Variants in VCX2 observed in about 807,000 individuals in gnomAD.
VCX2 encodes variable charge X-linked protein 2.
For synonymous variants in VCX2, 37 were observed against 53.9 expected, an observed-to-expected ratio of 0.69 and a Z score of 1.38; for missense variants, 83 against 116.6, an observed-to-expected ratio of 0.71 and a Z score of 1.33.
chrX:8,170,035 G>T lies in VCX2; in HGVS notation c.417C>A (p.Asp139Glu), dbSNP rs143514479. The change falls in exon 3 of 3, where the codon GAC becomes GAA. Residue 139 changes from aspartate (D) to glutamate (E), a missense_variant. Coordinates refer to ENST00000317103, the MANE Select transcript of VCX2 (RefSeq NM_016378.3). The stretch of plus-strand genomic sequence containing the variant: ...GGTCTGGCGGCTGGGCCTGAACTTA[G>T]TCGGTGCTCTCGGAGACAGGGGAAA... ...ASFSPVSEST[D>E] The T allele has an allele frequency of 6.7e-6, 8 of 1,200,379 alleles. 1 individual carries two copies. In the Admixed American group the frequency reaches 1.8e-4, roughly 27 times the overall value.
Position 8,170,015 on chromosome X carries a change from G to A in VCX2, c.*17C>T, listed in dbSNP as rs376798228. 23 of 1,184,554 alleles carry A rather than the reference G, an allele frequency of 1.9e-5. No individual in the cohort carries two copies. In the African/African-American group the frequency reaches 4.2e-4, roughly 22 times the overall value. On this transcript the variant is annotated 3_prime_UTR_variant, in exon 3 of 3. Coordinates refer to ENST00000317103, the MANE Select transcript of VCX2 (RefSeq NM_016378.3). ...CCCGCTGGTGAGATCTCTGAGGTCT[G>A]GCGGCTGGGCCTGAACTTAGTCGGT...
intron 1 of VCX2, among the ~76,000 whole-genome samples, 157 bp from the exon 2 acceptor site, chrX:8,170,946 A>C (rs1203733874): frequency 8.1e-5 from 7 of 86,943 alleles, no homozygotes; most frequent in African/African-American, 2.7e-4. Flanking sequence ...GATAGTTCCC[A>C]AACTGACATG....
In VCX2 at chrX:8,170,228, C is replaced by A. The variant is rs1175323162; in HGVS notation, c.224G>T (p.Gly75Val). 8.9e-7 allele frequency: 1 copy of A among 1,123,153 alleles called. No individual in the cohort carries two copies. Among genetic ancestry groups the A allele is most frequent in the Non-Finnish European group, 1.2e-6 (1 of 853,580 alleles). The allele number at this position is 1,123,153 out of a possible 1,213,427, so 92.6% of individuals were successfully genotyped here. A position where few individuals can be genotyped will look rare whatever the true frequency, so the allele number is the denominator to read the frequency against. Residue 75 changes from glycine to valine, a missense_variant, in exon 3 of 3, where the codon GGC (glycine) becomes GTC (valine). Transcript: ENST00000317103. ...CTCCTGGCTGGGCTGGTCGCTGGGG[C>A]CGGGTGCCGCTGGCGCGCTCTCCGC... ...PEAESAPAAP[G>V]PSDQPSQELP...
At position 8,170,052 on chromosome X, in the gene VCX2, CAG is replaced by C. The variant is rs1569170263; in HGVS notation, c.398_399del (p.Pro133ArgfsTer?). The C allele has an allele frequency of 8.3e-7, 1 of 1,204,067 alleles. No individual in the cohort carries two copies. ...TGAACTTAGTCGGTGCTCTCGGAGACAGGGGAAAAGCTGGCCATCCACACAGT... is the reference window on the plus strand; with the variant it reads ...TGAACTTAGTCGGTGCTCTCGGAGACGGGAAAAGCTGGCCATCCACACAGT... Reference protein sequence around the residue: ...PLTVWMASFSPVSESTD With the variant: ...PLTVWMASFSXVSESTD On this transcript the variant is annotated frameshift_variant, in exon 3 of 3. Transcript: ENST00000317103. LOFTEE classifies it high-confidence loss of function.
rs1291553327 is a variant in VCX2, at chrX:8,171,254, C to G, written c.-294G>C. The G allele has an allele frequency of 9.1e-6, 1 of 110,352 alleles. No individual in the cohort carries two copies. The highest frequency in any genetic ancestry group is 9.6e-5 in the Admixed American group (1 of 10,460). 9.1% of individuals were successfully genotyped at this position (110,352 alleles called of 1,213,427 possible). ...CAACTTTTCCATCTCACATACTTCT[C>G]CCAGCATCCACATAGTGCCTCACAA... On this transcript the variant is annotated 5_prime_UTR_variant, in exon 1 of 3. Transcript: ENST00000317103.
chrX:8,169,993 G>A lies in VCX2; in HGVS notation c.*39C>T, dbSNP rs376968575. On this transcript the variant is annotated 3_prime_UTR_variant, in exon 3 of 3. Transcript: ENST00000317103. Reference sequence around the variant, plus strand: ...TTATCTTCAGAATGGCAAGCACCCCGCTGGTGAGATCTCTGAGGTCTGGCG... The same window carrying A: ...TTATCTTCAGAATGGCAAGCACCCCACTGGTGAGATCTCTGAGGTCTGGCG... 37 of 1,153,895 alleles carry A rather than the reference G, an allele frequency of 3.2e-5. 1 individual carries two copies. Among genetic ancestry groups the A allele is most frequent in the African/African-American group, 1.1e-4 (5 of 46,669 alleles).
rs755012011 is a variant in VCX2 at position 8,170,193 on chromosome X, G to T, written c.259C>A (p.His87Asn). Residue 87 changes from histidine to asparagine, a missense_variant, in exon 3 of 3, where the codon CAC becomes AAC. By Grantham distance (68) the His-to-Asn change is moderately conservative. Transcript: ENST00000317103. ...ACTGGCTCCTCCGGCGGCAGCTCGT[G>T]CTGAGGGAGCTCCTGGCTGGGCTGG... Reference protein sequence around the residue: ...SDQPSQELPQHELPPEEPVSE... With the variant: ...SDQPSQELPQNELPPEEPVSE... The T allele has an allele frequency of 8.8e-7, 1 of 1,135,568 alleles. No homozygotes were observed. Among genetic ancestry groups the T allele is most frequent in the South Asian group, 1.8e-5 (1 of 54,419 alleles). 93.6% of individuals were successfully genotyped at this position (1,135,568 alleles called of 1,213,427 possible). A position where few individuals can be genotyped will look rare whatever the true frequency, so the allele number is the denominator to read the frequency against.
chrX:8,170,077 A>G lies in VCX2; in HGVS notation c.375T>C (p.Thr125=). The G allele has an allele frequency of 8.3e-7, 1 of 1,201,453 alleles. No homozygotes were observed. Among genetic ancestry groups the G allele is most frequent in the East Asian group, 3.0e-5 (1 of 33,390 alleles). ...CAGGGGAAAAGCTGGCCATCCACAC[A>G]GTCAGTGGTTCTTCCACCTCGCTCT... ...SQESEVEEPL[T]VWMASFSPVS... is the part of the protein sequence containing the mutation. The change falls in exon 3 of 3, where the codon ACT becomes ACC. Residue 125 remains threonine, a synonymous_variant. Coordinates refer to ENST00000317103, the MANE Select transcript of VCX2 (RefSeq NM_016378.3).
chrX:8,170,453 G>T, intron 2 of VCX2, 89 bp downstream of exon 2: 1 of 364,990 alleles, frequency 2.7e-6, no homozygotes, highest in Non-Finnish European at 4.0e-6. Context: ...GGGCCGGGTT[G>T]GGGGGTTCTG....
rs139229818 is a variant in VCX2 at position 8,170,163 on chromosome X, C to G, written c.289G>C (p.Glu97Gln). Residue 97 changes from glutamate to glutamine, a missense_variant, in exon 3 of 3, where the codon GAG (glutamate) becomes CAG (glutamine). Coordinates refer to ENST00000317103, the MANE Select transcript of VCX2 (RefSeq NM_016378.3). Reference protein sequence around the residue: ...HELPPEEPVSEGTQHDPLSQE... With the variant: ...HELPPEEPVSQGTQHDPLSQE... ...CTCAGGGGGTCGTGCTGGGTCCCCT[C>G]GCTCACTGGCTCCTCCGGCGGCAGC... is the stretch of plus-strand genomic sequence containing the variant. The G allele has an allele frequency of 2.5e-4, 285 of 1,136,262 alleles. 1 individual carries two copies. The African/African-American group carries it at 5.8e-3, about 23-fold the overall frequency. The allele number at this position is 1,136,262 out of a possible 1,213,427, so 93.6% of individuals were successfully genotyped here.
Position 8,169,993 on chromosome X carries a change from G to T in VCX2, c.*39C>A, listed in dbSNP as rs376968575. The T allele has an allele frequency of 8.6e-7, 1 of 1,161,888 alleles. No individual in the cohort carries two copies. Among genetic ancestry groups the T allele is most frequent in the East Asian group, 3.1e-5 (1 of 32,630 alleles). ...TTATCTTCAGAATGGCAAGCACCCC[G>T]CTGGTGAGATCTCTGAGGTCTGGCG... On this transcript the variant is annotated 3_prime_UTR_variant, in exon 3 of 3. Transcript: ENST00000317103.
Position 8,169,952 on chromosome X carries a change from C to G in VCX2, c.*80G>C. On this transcript the variant is annotated 3_prime_UTR_variant, in exon 3 of 3. Transcript: ENST00000317103. The stretch of plus-strand genomic sequence containing the variant: ...ACACGGAGTCACTCAGATCAATTTG[C>G]AACACATTCATTTTATTATCTTCAG... 1 of 1,045,172 alleles carries G rather than the reference C, an allele frequency of 9.6e-7. No homozygotes were observed. Among genetic ancestry groups the G allele is most frequent in the South Asian group, 2.0e-5 (1 of 50,538 alleles). The allele number at this position is 1,045,172 out of a possible 1,213,427, so 86.1% of individuals were successfully genotyped here. A position where few individuals can be genotyped will look rare whatever the true frequency, so the allele number is the denominator to read the frequency against.
Position 8,171,115 on chromosome X carries a change from C to T in VCX2, c.-155G>A. The T allele has an allele frequency of 4.8e-6, 1 of 209,095 alleles. No individual in the cohort carries two copies. The highest frequency in any genetic ancestry group is 9.0e-6 in the Non-Finnish European group (1 of 111,460). The allele number at this position is 209,095 out of a possible 1,213,427, so 17.2% of individuals were successfully genotyped here. A position where few individuals can be genotyped will look rare whatever the true frequency, so the allele number is the denominator to read the frequency against. On this transcript the variant is annotated 5_prime_UTR_variant, in exon 1 of 3. Coordinates refer to ENST00000317103, the MANE Select transcript of VCX2 (RefSeq NM_016378.3). ...GTTTCTGTATGACCTATCTAAAATC[C>T]CTCCATGCTAACTGGGATGGATGGA...
chrX:8,170,035 G>A lies in VCX2; in HGVS notation c.417C>T (p.Asp139=), dbSNP rs143514479. ...ASFSPVSEST[D] is the part of the protein sequence containing the mutation. Reference sequence around the variant, plus strand: ...GGTCTGGCGGCTGGGCCTGAACTTAGTCGGTGCTCTCGGAGACAGGGGAAA... The same window carrying A: ...GGTCTGGCGGCTGGGCCTGAACTTAATCGGTGCTCTCGGAGACAGGGGAAA... Residue 139 remains aspartate (D), a synonymous_variant, in exon 3 of 3, where the codon GAC becomes GAT. Transcript: ENST00000317103. 8 of 1,200,379 alleles carry A rather than the reference G, an allele frequency of 6.7e-6. No homozygotes were observed. The East Asian group carries it at 1.2e-4, about 18-fold the overall frequency.
chrX:8,170,141 A>C lies in VCX2; in HGVS notation c.311T>G (p.Leu104Arg), dbSNP rs41305169. ...PVSEGTQHDP[L>R]SQESEVEEPL... ...TTCTTCCACCTCGCTCTCCTGACTCAGGGGGTCGTGCTGGGTCCCCTCGCT... is the reference window on the plus strand; with the variant it reads ...TTCTTCCACCTCGCTCTCCTGACTCCGGGGGTCGTGCTGGGTCCCCTCGCT... The change falls in exon 3 of 3, where the codon CTG (leucine) becomes CGG (arginine). Residue 104 changes from leucine (L) to arginine (R), a missense_variant. Transcript: ENST00000317103. 4 of 869,324 alleles carry C rather than the reference A, an allele frequency of 4.6e-6. No individual in the cohort carries two copies. The highest frequency in any genetic ancestry group is 3.6e-5 in the Admixed American group (1 of 28,087). 71.6% of individuals were successfully genotyped at this position (869,324 alleles called of 1,213,427 possible).
chrX:8,169,951 G>A lies in VCX2; in HGVS notation c.*81C>T. The A allele has an allele frequency of 2.0e-6, 2 of 998,880 alleles. No homozygotes were observed. The highest frequency in any genetic ancestry group is 3.5e-5 in the East Asian group (1 of 28,646). 82.3% of individuals were successfully genotyped at this position (998,880 alleles called of 1,213,427 possible). ...AACACGGAGTCACTCAGATCAATTT[G>A]CAACACATTCATTTTATTATCTTCA... On this transcript the variant is annotated 3_prime_UTR_variant, in exon 3 of 3. Coordinates refer to ENST00000317103, the MANE Select transcript of VCX2 (RefSeq NM_016378.3).
Position 8,170,318 on chromosome X carries a change from A to G in VCX2, c.134T>C (p.Val45Ala). The G allele has an allele frequency of 1.0e-6, 1 of 992,857 alleles. No individual in the cohort carries two copies. Among genetic ancestry groups the G allele is most frequent in the Non-Finnish European group, 1.3e-6 (1 of 746,929 alleles). The allele number at this position is 992,857 out of a possible 1,213,427, so 81.8% of individuals were successfully genotyped here. ...TTKVAKKGKA[V>A]RRGRRGKKGA... Reference sequence around the variant, plus strand: ...TTTCTTCCCGCGTCTCCCTCTACGAACTGCTTTTCCCTTCTTGGCCACCTT... The same window carrying G: ...TTTCTTCCCGCGTCTCCCTCTACGAGCTGCTTTTCCCTTCTTGGCCACCTT... Residue 45 changes from valine (V) to alanine (A), a missense_variant, in exon 3 of 3, where the codon GTT becomes GCT. Val to Ala is a moderately conservative substitution (Grantham distance 64). Coordinates refer to ENST00000317103, the MANE Select transcript of VCX2 (RefSeq NM_016378.3).
rs375063792 is a variant in VCX2, at chrX:8,170,191, G to C, written c.261C>G (p.His87Gln). 4 of 1,136,706 alleles carry C rather than the reference G, an allele frequency of 3.5e-6. No homozygotes were observed. The highest frequency in any genetic ancestry group is 1.8e-5 in the South Asian group (1 of 54,474). 93.7% of individuals were successfully genotyped at this position (1,136,706 alleles called of 1,213,427 possible). Residue 87 changes from histidine (H) to glutamine (Q), a missense_variant, in exon 3 of 3, where the codon CAC (histidine) becomes CAG (glutamine). His to Gln is a conservative substitution (Grantham distance 24, BLOSUM62 0). Coordinates refer to ENST00000317103, the MANE Select transcript of VCX2 (RefSeq NM_016378.3). ...TCACTGGCTCCTCCGGCGGCAGCTC[G>C]TGCTGAGGGAGCTCCTGGCTGGGCT... is the stretch of plus-strand genomic sequence containing the variant. ...SDQPSQELPQ[H>Q]ELPPEEPVSE...
Position 8,170,051 on chromosome X carries a change from A to G in VCX2, c.401T>C (p.Val134Ala), listed in dbSNP as rs762949157. 4.4e-5 allele frequency: 53 copies of G among 1,194,828 alleles called. No individual in the cohort carries two copies. Among genetic ancestry groups the G allele is most frequent in the Non-Finnish European group, 5.6e-5 (50 of 890,687 alleles). The change falls in exon 3 of 3, where the codon GTC becomes GCC. Residue 134 changes from valine (V) to alanine (A), a missense_variant. Physicochemically the swap from Val to Ala is moderately conservative, Grantham distance 64. Coordinates refer to ENST00000317103, the MANE Select transcript of VCX2 (RefSeq NM_016378.3). Reference sequence around the variant, plus strand: ...CTGAACTTAGTCGGTGCTCTCGGAGACAGGGGAAAAGCTGGCCATCCACAC... The same window carrying G: ...CTGAACTTAGTCGGTGCTCTCGGAGGCAGGGGAAAAGCTGGCCATCCACAC... ...LTVWMASFSP[V>A]SESTD
Sources: allele counts gnomAD v4.1 joint callset (sites outside exome capture counted in the v4.1 genomes callset), GRCh38; gene constraint gnomAD v4.1.1; transcripts MANE v1.5; gene names NCBI Gene and HGNC (gene_info 2026-07-23, HGNC 2026-07-21).